Variants in TRIM66 observed in about 807,000 individuals in gnomAD.
The protein encoded by TRIM66 is tripartite motif containing 66.
Under a neutral mutation model 148.2 loss-of-function variants are expected in TRIM66, and 99 were observed. The ratio of observed to expected loss-of-function variants is 0.67; its 90% CI spans 0.57 to 0.79. The LOEUF (loss-of-function observed/expected upper bound fraction) is 0.79, where lower values mean the gene tolerates loss of function less well. Among genes scored for constraint, TRIM66 ranks in the 30% least tolerant of loss-of-function variants. The pLI is 0.00. For synonymous variants in TRIM66, 616 were observed against 635.9 expected (o/e 0.97, Z 0.47); for missense variants, 1,666 against 1,697.9 (o/e 0.98, Z 0.33).
intron 1 of TRIM66, among the ~76,000 whole-genome samples, chr11:8,681,624 G>A (rs959084962): frequency 3.3e-5 from 5 of 150,432 alleles, no homozygotes; most frequent in Non-Finnish European, 5.9e-5. Context: ...ACTGGTTGAA[G>A]GAACCGACTT....
chr11:8,682,518 G>C (rs929750695), intron 1 of TRIM66, 83 bp downstream of exon 1: 1 of 504,552 alleles, frequency 2.0e-6, no homozygotes. Context: ...GCTCAAGCAA[G>C]CACGGGCGGC....
chr11:8,646,961 G>GC (rs1352973312), intron 10 of TRIM66, among the ~76,000 whole-genome samples: 1 of 151,062 alleles, frequency 6.6e-6, no homozygotes, highest in Admixed American at 6.6e-5. Context: ...GTTTCTGAGG[G>GC]CCGGGGGGTG....
chr11:8,643,496 C>G lies in TRIM66; in HGVS notation c.1105-370G>C, dbSNP rs143706101. Among the ~76,000 whole-genome samples the G allele has an allele frequency of 8.5e-3, 1,298 of 152,128 alleles. 21 individuals carry two copies. The highest frequency in any genetic ancestry group is 0.029 in the African/African-American group (1,222 of 41,494). On this transcript the variant is annotated intron_variant, in intron 12 of 24. Coordinates refer to ENST00000646038, the MANE Select transcript of TRIM66 (RefSeq NM_001388022.1). ...CTAGGACTACAGGTGCCCGCCACCA[C>G]GCCCAGCTAATTTTTTGTATTTTGT...
chr11:8,667,931 G>T (rs1307896774), intron 6 of TRIM66, among the ~76,000 whole-genome samples: 3 of 152,196 alleles, frequency 2.0e-5, no homozygotes, highest in African/African-American at 7.2e-5. Context: ...CATATATCCA[G>T]AATGGAATTG....
At position 8,621,314 on chromosome 11, in the gene TRIM66, T is replaced by A. The variant is rs1034881965; in HGVS notation, c.3263A>T (p.Gln1088Leu). 12 of 1,549,658 alleles carry A rather than the reference T, an allele frequency of 7.7e-6. No individual in the cohort carries two copies. Among genetic ancestry groups the A allele is most frequent in the Non-Finnish European group, 1.0e-5 (12 of 1,145,640 alleles). Residue 1088 changes from glutamine (Q) to leucine (L), a missense_variant, in exon 20 of 25, where the codon CAG (glutamine) becomes CTG (leucine). By Grantham distance (113) the Gln-to-Leu change is moderately radical. Transcript: ENST00000646038. Reference sequence around the variant, plus strand: ...CTGGGTGGCCTCAGACAGTCTGTCCTGGCTGACCTTGGGGAAGAAGTAAGT... The same window carrying A: ...CTGGGTGGCCTCAGACAGTCTGTCCAGGCTGACCTTGGGGAAGAAGTAAGT... ...ESSSMSIKVSQDRLSEATQAP... is the reference protein window; with the variant it reads ...ESSSMSIKVSLDRLSEATQAP...
In TRIM66 at chr11:8,648,525, A is replaced by C; in HGVS notation, c.616T>G (p.Phe206Val). The change falls in exon 9 of 25, where the codon TTC (phenylalanine) becomes GTC (valine). Residue 206 changes from phenylalanine (F) to valine (V), a missense_variant. Phe to Val is a conservative substitution (Grantham distance 50, BLOSUM62 -1). Transcript: ENST00000646038. The part of the protein sequence containing the change: ...SPGVNGGPGD[F>V]TLYCPLHTQE... ...GTGTGTAGAGGACAATACAAGGTGA[A>C]GTCTCCGGGACCACCATTCACTCCT... 1 of 1,551,722 alleles carries C rather than the reference A, an allele frequency of 6.4e-7. No homozygotes were observed. Among genetic ancestry groups the C allele is most frequent in the South Asian group, 1.2e-5 (1 of 84,048 alleles).
chr11:8,641,560 G>A (rs2036396166), intron 13 of TRIM66, among the ~76,000 whole-genome samples: 1 of 152,122 alleles, frequency 6.6e-6, no homozygotes, highest in African/African-American at 2.4e-5. Context: ...GCCATGCCTG[G>A]GACCAATGAA....
intron 7 of TRIM66, among the ~76,000 whole-genome samples, chr11:8,650,461 A>AAAGGAGGAAGGG (rs916160467): frequency 1.8e-4 from 27 of 149,206 alleles, no homozygotes; most frequent in Non-Finnish European, 3.4e-4. Flanking sequence ...AGCAGAAGGA[A>AAAGGAGGAAGGG]AAGGAGGAAG....
rs1206123928 is a variant in TRIM66 at position 8,679,923 on chromosome 11, A to T, written c.-407T>A. 6.6e-6 allele frequency: 1 copy of T among 152,326 alleles called. No homozygotes were observed. The highest frequency in any genetic ancestry group is 6.5e-5 in the Admixed American group (1 of 15,284). The allele number at this position is 152,326 out of a possible 1,614,324, so 9.4% of individuals were successfully genotyped here. ...TACCTGACCACCTATGCAGCGTCTG[A>T]CAAGTCACCCAATTCTTCTGTGCTT... On this transcript the variant is annotated 5_prime_UTR_variant, in exon 2 of 25. Transcript: ENST00000646038.
At chr11:8,639,489 G>A (rs752023964) in intron 14 of TRIM66, among the ~76,000 whole-genome samples, 1 of 152,164 alleles carries the variant, frequency 6.6e-6, no homozygotes, top group Non-Finnish European at 1.5e-5. Flanking sequence ...AGAAAAAAGA[G>A]GTGCACCATC....
chr11:8,643,451 T>C (rs1462456025), intron 12 of TRIM66, among the ~76,000 whole-genome samples: 1 of 151,988 alleles, frequency 6.6e-6, no homozygotes, highest in Non-Finnish European at 1.5e-5. Flanking sequence ...GCCATTCTCC[T>C]GCCTCAGCCT....
intron 7 of TRIM66, among the ~76,000 whole-genome samples, chr11:8,651,310 G>C (rs995342227): frequency 2.0e-5 from 3 of 152,130 alleles, no homozygotes; most frequent in African/African-American, 7.2e-5. Flanking sequence ...AAGAGGAACA[G>C]AAGGGCTGCC....
intron 6 of TRIM66, among the ~76,000 whole-genome samples, chr11:8,668,120 C>T (rs1201999707): frequency 6.6e-6 from 1 of 152,124 alleles, no homozygotes; most frequent in African/African-American, 2.4e-5. Context: ...TCCTAATGTA[C>T]TTGAGGTGGT....
intron 15 of TRIM66, among the ~76,000 whole-genome samples, chr11:8,629,978 T>A (rs2035240671): frequency 6.6e-6 from 1 of 152,198 alleles, no homozygotes; most frequent in South Asian, 2.1e-4. Context: ...ATATATGCTA[T>A]GTGTTAGTTA....
At chr11:8,676,582 C>T (rs1486935453) in intron 3 of TRIM66, among the ~76,000 whole-genome samples, 3 of 152,170 alleles carry the variant, frequency 2.0e-5, no homozygotes, top group Middle Eastern at 3.2e-3. Context: ...AAGAAACAGG[C>T]ATCTCATTTA....
intron 23 of TRIM66, 139 bp downstream of exon 23, chr11:8,619,244 C>T: frequency 1.9e-6 from 2 of 1,036,006 alleles, no homozygotes; most frequent in Non-Finnish European, 2.7e-6. Flanking sequence ...CTTTTAAACA[C>T]TCACCACAGC....
At position 8,612,514 on chromosome 11, in the gene TRIM66, A is replaced by C. The variant is rs1046981462; in HGVS notation, c.*5430T>G. 3.9e-5 allele frequency: 6 copies of C among 152,142 alleles called. No homozygotes were observed. The highest frequency in any genetic ancestry group is 2.0e-4 in the Admixed American group (3 of 15,270). The allele number at this position is 152,142 out of a possible 1,614,324, so 9.4% of individuals were successfully genotyped here. On this transcript the variant is annotated 3_prime_UTR_variant, in exon 25 of 25. Coordinates refer to ENST00000646038, the MANE Select transcript of TRIM66 (RefSeq NM_001388022.1). ...ACAGCTCATAATGGAAAGAGCCAAA[A>C]ATTTTGGTGTTCAGACTCTCAAATC... is the stretch of plus-strand genomic sequence containing the variant.
chr11:8,617,856 A>G lies in TRIM66; in HGVS notation c.*88T>C, dbSNP rs1358807158. The G allele has an allele frequency of 1.6e-6, 2 of 1,288,802 alleles. No homozygotes were observed. The highest frequency in any genetic ancestry group is 2.5e-5 in the East Asian group (1 of 39,514). 79.8% of individuals were successfully genotyped at this position (1,288,802 alleles called of 1,614,324 possible). On this transcript the variant is annotated 3_prime_UTR_variant, in exon 25 of 25. Coordinates refer to ENST00000646038, the MANE Select transcript of TRIM66 (RefSeq NM_001388022.1). ...TCAACAAGACTCATCTACCATCCAC[A>G]CTCTGAAGAGGATAAGCTGCAAGAT... is the stretch of plus-strand genomic sequence containing the variant.
intron 15 of TRIM66, among the ~76,000 whole-genome samples, chr11:8,628,220 G>A (rs1392617791): frequency 1.3e-5 from 2 of 152,086 alleles, no homozygotes; most frequent in South Asian, 2.1e-4. Context: ...TTGAATAGAA[G>A]TAGTGATAGT....
Sources: allele counts gnomAD v4.1 joint callset (sites outside exome capture counted in the v4.1 genomes callset), GRCh38; gene constraint gnomAD v4.1.1; transcripts MANE v1.5; gene names NCBI Gene and HGNC (gene_info 2026-07-23, HGNC 2026-07-21).